TCF24: variants seen among roughly 807,000 people sequenced by gnomAD.
The protein encoded by TCF24 is transcription factor 24.
In TCF24, 5 loss-of-function variants were observed where a neutral mutation model predicts 9.3. The observed-to-expected ratio is 0.54, with a 90% CI of 0.28 to 1.13. The LOEUF (loss-of-function observed/expected upper bound fraction) is 1.13, where lower values mean the gene tolerates loss of function less well. Ranked by LOEUF, TCF24 falls within the 50% of genes most tolerant of loss-of-function variation. The probability of loss-of-function intolerance (pLI) is 0.09; values close to 1 mark genes in which losing one functional copy is unlikely to be tolerated. For synonymous variants in TCF24, 110 were observed against 115.8 expected (o/e 0.95, Z 0.32); for missense variants, 220 against 236.1 (o/e 0.93, Z 0.45).
Position 66,961,388 on chromosome 8 carries a change from C to T in TCF24, c.378G>A (p.Leu126=). ...CCCGCCCGCTTACCTTGACCGGGTG[C>T]AGGTAGCCATCGCCGCGCAGGGCGC... ...GLGALRGDGY[L]HPVKKWPMRS... The change falls in exon 3 of 4, where the codon CTG becomes CTA. Residue 126 remains leucine, a synonymous_variant. Transcript: ENST00000563496. The T allele has an allele frequency of 6.7e-7, 1 of 1,499,088 alleles. No homozygotes were observed. The allele number at this position is 1,499,088 out of a possible 1,614,324, so 92.9% of individuals were successfully genotyped here.
intron 3 of TCF24, 56 bp from the exon 4 acceptor site, chr8:66,948,220 A>G: frequency 7.9e-7 from 1 of 1,260,598 alleles, no homozygotes; most frequent in Non-Finnish European, 1.1e-6. Flanking sequence ...ACATATATTA[A>G]CATGGTCTAC....
At chr8:66,957,602 A>G (rs1038102891) in intron 3 of TCF24, among the ~76,000 whole-genome samples, 1 of 152,248 alleles carries the variant, frequency 6.6e-6, no homozygotes. Flanking sequence ...TCTGTTGTTT[A>G]AAAGAGCCAG....
chr8:66,951,733 T>G (rs1419603074), intron 3 of TCF24, among the ~76,000 whole-genome samples: 2 of 151,886 alleles, frequency 1.3e-5, no homozygotes, highest in Non-Finnish European at 2.9e-5. Context: ...CTGGACTCTT[T>G]TTGGTTGGTA....
chr8:66,955,503 G>A (rs1048483972), intron 3 of TCF24, among the ~76,000 whole-genome samples: 5 of 152,118 alleles, frequency 3.3e-5, no homozygotes, highest in Non-Finnish European at 7.4e-5. Flanking sequence ...CAGGCCAACT[G>A]CTAGTTACAT....
chr8:66,961,766 G>T lies in TCF24; in HGVS notation c.-1C>A. ...TGCCCGCTGGGCGGCCGCGGTCCATGGCAGCTTCCCGCGCCGCGCGCGCTG... is the reference window on the plus strand; with the variant it reads ...TGCCCGCTGGGCGGCCGCGGTCCATTGCAGCTTCCCGCGCCGCGCGCGCTG... On this transcript the variant is annotated 5_prime_UTR_variant, in exon 3 of 4. Transcript: ENST00000563496. 1 of 1,110,474 alleles carries T rather than the reference G, an allele frequency of 9.0e-7. No homozygotes were observed. Among genetic ancestry groups the T allele is most frequent in the South Asian group, 4.4e-5 (1 of 22,532 alleles). 68.8% of individuals were successfully genotyped at this position (1,110,474 alleles called of 1,614,324 possible). A position where few individuals can be genotyped will look rare whatever the true frequency, so the allele number is the denominator to read the frequency against.
chr8:66,959,938 A>G (rs1346955646), intron 3 of TCF24, among the ~76,000 whole-genome samples: 1 of 152,138 alleles, frequency 6.6e-6, no homozygotes, highest in African/African-American at 2.4e-5. Flanking sequence ...TTATTCATTC[A>G]AAAAAAGCAT....
At chr8:66,951,384 T>C (rs1325467423) in intron 3 of TCF24, among the ~76,000 whole-genome samples, 1 of 143,526 alleles carries the variant, frequency 7.0e-6, no homozygotes, top group Non-Finnish European at 1.5e-5. Context: ...GTTTATATGC[T>C]GGATTACATT....
chr8:66,950,543 C>T (rs1430358209), intron 3 of TCF24, among the ~76,000 whole-genome samples: 1 of 151,322 alleles, frequency 6.6e-6, no homozygotes, highest in Non-Finnish European at 1.5e-5. Flanking sequence ...CAGCTTTGTT[C>T]TTTTGGCTTA....
At chr8:66,951,109 CCAGA>C (rs1814052977) in intron 3 of TCF24, among the ~76,000 whole-genome samples, 1 of 109,880 alleles carries the variant, frequency 9.1e-6, no homozygotes, top group Admixed American at 1.0e-4. Context: ...ATTGCCCTGG[CCAGA>C]ACTTCCAACA....
chr8:66,961,337 G>T, intron 3 of TCF24, 39 bp downstream of exon 3: 1 of 1,416,952 alleles, frequency 7.1e-7, no homozygotes, highest in South Asian at 1.5e-5. Context: ...AGGTGTCCTG[G>T]TCTCGGCCCC....
At chr8:66,955,177 A>C (rs2130900206) in intron 3 of TCF24, 1 of 152,224 alleles carries the variant, frequency 6.6e-6, no homozygotes, top group Middle Eastern at 3.4e-3. Context: ...ACTGATGGTG[A>C]TTTTTCTAAA....
chr8:66,955,292 T>G (rs1450052059), intron 3 of TCF24, among the ~76,000 whole-genome samples: 3 of 152,026 alleles, frequency 2.0e-5, no homozygotes, highest in African/African-American at 7.2e-5. Context: ...AATAAAACTC[T>G]TTTGGGAGGG....
At chr8:66,954,958 A>C (rs2130900074) in intron 3 of TCF24, 1 of 154,708 alleles carries the variant, frequency 6.5e-6, no homozygotes, top group African/African-American at 2.4e-5. Context: ...TGGCTCGCAC[A>C]CGGTGCGCGC....
chr8:66,948,004 T>G lies in TCF24; in HGVS notation c.*47A>C. The G allele has an allele frequency of 1.5e-6, 2 of 1,344,640 alleles. No homozygotes were observed. Among genetic ancestry groups the G allele is most frequent in the Non-Finnish European group, 2.0e-6 (2 of 1,005,096 alleles). 83.3% of individuals were successfully genotyped at this position (1,344,640 alleles called of 1,614,324 possible). Reference sequence around the variant, plus strand: ...TAAATATAGAATTATGTCATAGTATTTAAAAACAATAGCCACCACTTCTAC... The same window carrying G: ...TAAATATAGAATTATGTCATAGTATGTAAAAACAATAGCCACCACTTCTAC... On this transcript the variant is annotated 3_prime_UTR_variant, in exon 4 of 4. Transcript: ENST00000563496.
chr8:66,948,654 A>ACTATCTATCTAT (rs10524696), intron 3 of TCF24, among the ~76,000 whole-genome samples: 4,000 of 146,616 alleles, frequency 0.027, 71 homozygotes, highest in East Asian at 0.032. Context: ...AAAAGTGTCA[A>ACTATCTATCTAT]CTATCTATCT....
At chr8:66,961,029 C>T (rs2130902908) in intron 3 of TCF24, among the ~76,000 whole-genome samples, 1 of 152,316 alleles carries the variant, frequency 6.6e-6, no homozygotes, top group South Asian at 2.1e-4. Context: ...GAGGGTCATA[C>T]ATATAACTCA....
intron 3 of TCF24, among the ~76,000 whole-genome samples, chr8:66,955,724 G>C (rs1016216886): frequency 6.6e-6 from 1 of 152,174 alleles, no homozygotes; most frequent in Non-Finnish European, 1.5e-5. Flanking sequence ...TTCTGTTACA[G>C]AGTTAATAGA....
At chr8:66,953,410 G>T (rs1037661699) in intron 3 of TCF24, among the ~76,000 whole-genome samples, 1 of 152,074 alleles carries the variant, frequency 6.6e-6, no homozygotes, top group African/African-American at 2.4e-5. Flanking sequence ...CTTTAAGAAT[G>T]TTGAATATTG....
intron 3 of TCF24, among the ~76,000 whole-genome samples, chr8:66,949,553 C>G (rs898364263): frequency 6.6e-6 from 1 of 152,114 alleles, no homozygotes; most frequent in East Asian, 1.9e-4. Context: ...TGAATAATGC[C>G]GCAATAAACA....
Sources: allele counts gnomAD v4.1 joint callset (sites outside exome capture counted in the v4.1 genomes callset), GRCh38; gene constraint gnomAD v4.1.1; transcripts MANE v1.5; gene names NCBI Gene and HGNC (gene_info 2026-07-23, HGNC 2026-07-21).